The following CCDC148 variants were observed in gnomAD, a reference collection of about 807,000 sequenced individuals.
CCDC148 encodes the protein coiled-coil domain-containing protein 148.
A neutral mutation model predicts 85.7 loss-of-function variants in CCDC148; 89 were observed. The ratio of observed to expected loss-of-function variants is 1.04; its 90% CI spans 0.87 to 1.24. The LOEUF is 1.24. CCDC148 is among the 50% of genes most tolerant of loss of function. CCDC148 has a pLI of 0.00. For synonymous variants in CCDC148, 230 were observed against 213.9 expected, an observed-to-expected ratio of 1.08 and a Z score of -0.66; for missense variants, 692 against 671.7, an observed-to-expected ratio of 1.03 and a Z score of -0.33.
At position 158,309,755 on chromosome 2, in the gene CCDC148, G is replaced by T. The variant is rs1691885925; in HGVS notation, c.904-116C>A. ...ATAACCAATGATTTTGAAAAACTGG[G>T]GACAAATATTTAATCGTAAATACAG... On this transcript the variant is annotated intron_variant, in intron 8 of 13. Transcript: ENST00000283233. 1.7e-5 allele frequency: 13 copies of T among 787,126 alleles called. No individual in the cohort carries two copies. In the East Asian group the frequency reaches 3.5e-4, roughly 21 times the overall value. 48.8% of individuals were successfully genotyped at this position (787,126 alleles called of 1,614,324 possible).
chr2:158,383,185 C>T (rs13430524), intron 1 of CCDC148, among the ~76,000 whole-genome samples: 8,759 of 151,682 alleles, frequency 0.058, 485 homozygotes, highest in African/African-American at 0.15. Context: ...GGCATGGTGA[C>T]GTATGTCTAT....
intron 11 of CCDC148, among the ~76,000 whole-genome samples, chr2:158,192,352 C>A (rs769630302): frequency 6.6e-6 from 1 of 151,880 alleles, no homozygotes; most frequent in East Asian, 1.9e-4. Context: ...CAACAACTCA[C>A]GATTTGTAAA....
chr2:158,252,368 T>C (rs1688829511), intron 9 of CCDC148, among the ~76,000 whole-genome samples: 1 of 151,644 alleles, frequency 6.6e-6, no homozygotes, highest in South Asian at 2.1e-4. Context: ...ACCTTTTTCT[T>C]GGGAACCCCA....
At chr2:158,268,472 A>G (rs1166336635) in intron 9 of CCDC148, among the ~76,000 whole-genome samples, 3 of 152,184 alleles carry the variant, frequency 2.0e-5, no homozygotes, top group East Asian at 3.9e-4. Flanking sequence ...TATAATTGAC[A>G]AACAAAATTA....
chr2:158,339,424 A>T (rs1362380483), intron 5 of CCDC148, among the ~76,000 whole-genome samples: 1 of 152,086 alleles, frequency 6.6e-6, no homozygotes, highest in Non-Finnish European at 1.5e-5. Flanking sequence ...TCTAATCCCC[A>T]CCTGGGCATA....
At chr2:158,308,274 A>G (rs568401713) in intron 9 of CCDC148, among the ~76,000 whole-genome samples, 2 of 152,348 alleles carry the variant, frequency 1.3e-5, no homozygotes, top group South Asian at 4.1e-4. Context: ...AGTTAATGAT[A>G]ATGTGTGCAA....
intron 1 of CCDC148, among the ~76,000 whole-genome samples, 184 bp from the exon 2 acceptor site, chr2:158,358,754 A>T (rs1429805055): frequency 6.6e-6 from 1 of 151,934 alleles, no homozygotes; most frequent in Non-Finnish European, 1.5e-5. Context: ...AATTATTATA[A>T]TATAGCCACT....
At chr2:158,369,004 T>G (rs1559104071) in intron 1 of CCDC148, among the ~76,000 whole-genome samples, 1 of 152,032 alleles carries the variant, frequency 6.6e-6, no homozygotes, top group Non-Finnish European at 1.5e-5. Context: ...GTACTACATA[T>G]GGATAGCATT....
At chr2:158,197,214 T>C (rs1190964400) in intron 11 of CCDC148, among the ~76,000 whole-genome samples, 1 of 152,312 alleles carries the variant, frequency 6.6e-6, no homozygotes, top group East Asian at 1.9e-4. Context: ...GAAAGAACTG[T>C]AGAAGAATTC....
intron 9 of CCDC148, among the ~76,000 whole-genome samples, chr2:158,298,167 G>C (rs754532835): frequency 6.6e-6 from 1 of 152,106 alleles, no homozygotes; most frequent in Non-Finnish European, 1.5e-5. Context: ...AGAACAGGAT[G>C]GGGGAAACCA....
intron 3 of CCDC148, among the ~76,000 whole-genome samples, chr2:158,342,021 C>CTTTTTTTTTTTTTTTTT (rs71404402): frequency 4.7e-5 from 4 of 85,622 alleles, no homozygotes; most frequent in East Asian, 3.8e-4. Flanking sequence ...TCATTATTTT[C>CTTTTTTTTTTTTTTTTT]TTTTCTTTTT....
intron 10 of CCDC148, among the ~76,000 whole-genome samples, chr2:158,221,726 A>T (rs1687193730): frequency 6.6e-6 from 1 of 152,234 alleles, no homozygotes; most frequent in Non-Finnish European, 1.5e-5. Context: ...CACCATCGCC[A>T]CAGACATAGC....
At chr2:158,226,765 C>T (rs1373719963) in intron 10 of CCDC148, among the ~76,000 whole-genome samples, 1 of 152,046 alleles carries the variant, frequency 6.6e-6, no homozygotes, top group Admixed American at 6.6e-5. Context: ...GCCCTTCATG[C>T]TAAAAACTCT....
At chr2:158,445,153 TAAA>T (rs888519204) in intron 1 of CCDC148, among the ~76,000 whole-genome samples, 106 of 150,758 alleles carry the variant, frequency 7.0e-4, no homozygotes, top group African/African-American at 2.4e-3. Context: ...AAAGAGACAA[TAAA>T]AAAAAAGTGA....
chr2:158,262,648 G>C (rs1465963158), intron 9 of CCDC148, among the ~76,000 whole-genome samples: 1 of 151,920 alleles, frequency 6.6e-6, no homozygotes, highest in African/African-American at 2.4e-5. Context: ...GGGAAGAAAG[G>C]CATGTCTTAC....
In CCDC148 at chr2:158,363,431, C is replaced by T. The variant is rs185489743; in HGVS notation, c.26-4861G>A. On this transcript the variant is annotated intron_variant, in intron 1 of 13. Coordinates refer to ENST00000283233, the MANE Select transcript of CCDC148 (RefSeq NM_138803.4). ...AAATCCTCAACAAAATACTGGCAAACCAAATCCAGCAGCACATCAAAAAGC... is the reference window on the plus strand; with the variant it reads ...AAATCCTCAACAAAATACTGGCAAATCAAATCCAGCAGCACATCAAAAAGC... Among the ~76,000 whole-genome samples, 13 of 152,176 alleles carry T rather than the reference C, an allele frequency of 8.5e-5. 1 individual carries two copies. Among genetic ancestry groups the T allele is most frequent in the Admixed American group, 7.2e-4 (11 of 15,262 alleles).
chr2:158,285,563 C>T (rs1410168901), intron 9 of CCDC148, among the ~76,000 whole-genome samples: 1 of 149,876 alleles, frequency 6.7e-6, no homozygotes, highest in Non-Finnish European at 1.5e-5. Flanking sequence ...CGGAGTCTTG[C>T]TCTGTCGCCC....
At chr2:158,298,167 G>A (rs754532835) in intron 9 of CCDC148, among the ~76,000 whole-genome samples, 2 of 152,106 alleles carry the variant, frequency 1.3e-5, no homozygotes, top group Admixed American at 6.5e-5. Flanking sequence ...AGAACAGGAT[G>A]GGGGAAACCA....
At chr2:158,327,098 G>T (rs1692816327) in intron 7 of CCDC148, among the ~76,000 whole-genome samples, 1 of 151,996 alleles carries the variant, frequency 6.6e-6, no homozygotes, top group African/African-American at 2.4e-5. Flanking sequence ...TTTCACTACT[G>T]CAATGAATAA....
Sources: gnomAD v4.1 joint callset for allele counts (sites outside exome capture counted in the v4.1 genomes callset) on GRCh38, gnomAD v4.1.1 for gene constraint, MANE v1.5 for transcripts, NCBI Gene and HGNC (gene_info 2026-07-23, HGNC 2026-07-21) for gene names.